CELF4: variants seen among roughly 807,000 people sequenced by gnomAD.
The protein encoded by CELF4 is CUG-BP- and ETR-3-like factor 4.
In CELF4, 18 loss-of-function variants were observed where a neutral mutation model predicts 59.9. The observed-to-expected ratio is 0.30, with a 90% CI of 0.21 to 0.45. The LOEUF (loss-of-function observed/expected upper bound fraction) is 0.45. CELF4 is among the 20% of genes least tolerant of loss of function. The pLI, the probability that CELF4 is intolerant of heterozygous loss-of-function variation, is 1.00. For missense variants in CELF4, 456 were observed against 689.0 expected (o/e 0.66, Z 3.79); for synonymous variants, 261 against 267.1 (o/e 0.98, Z 0.22).
At chr18:37,247,914 CT>C (rs2063091931) in intron 12 of CELF4, among the ~76,000 whole-genome samples, 1 of 152,214 alleles carries the variant, frequency 6.6e-6, no homozygotes, top group African/African-American at 2.4e-5. Flanking sequence ...TCCCTCCCTC[CT>C]CAGCTTTCTG....
At chr18:37,346,505 T>C (rs941632875) in intron 2 of CELF4, among the ~76,000 whole-genome samples, 3 of 152,128 alleles carry the variant, frequency 2.0e-5, no homozygotes, top group African/African-American at 7.2e-5. Context: ...ATACCAGATA[T>C]GGATGGACCA....
rs1168555977 is a variant in CELF4 at position 37,253,156 on chromosome 18, C to T, written c.*44+611G>A. 6.6e-6 allele frequency among the ~76,000 whole-genome samples: 1 copy of T among 152,200 alleles called. No individual in the cohort carries two copies. Among genetic ancestry groups the T allele is most frequent in the Non-Finnish European group, 1.5e-5 (1 of 68,022 alleles). ...ACCACTCATCATGACCCGTGTGGGG[C>T]AGGCAGGGCCCGGGATCTCAGTGCT... On this transcript the variant is annotated intron_variant, in intron 12 of 12. Transcript: ENST00000420428. The surrounding 1 kb of genome is among the most constrained non-coding windows in gnomAD (Gnocchi z 4.5).
rs1316742999 is a variant in CELF4 at position 37,254,162 on chromosome 18, C to T, written c.1334-224G>A. On this transcript the variant is annotated intron_variant, in intron 11 of 12. Coordinates refer to ENST00000420428, the MANE Select transcript of CELF4 (RefSeq NM_020180.4). This position sits in a 1 kb window ranked among gnomAD's most constrained non-coding sequence, Gnocchi z 5.1. ...GGGGACCCGGCTCGCTGACCTGCGCCTAGTCTCTGGCCGCGTCACTCGCCC... is the reference window on the plus strand; with the variant it reads ...GGGGACCCGGCTCGCTGACCTGCGCTTAGTCTCTGGCCGCGTCACTCGCCC... Among the ~76,000 whole-genome samples the T allele has an allele frequency of 6.6e-6, 1 of 150,876 alleles. No homozygotes were observed. The highest frequency in any genetic ancestry group is 1.5e-5 in the Non-Finnish European group (1 of 67,568).
chr18:37,318,226 C>G (rs1314152605), intron 3 of CELF4, among the ~76,000 whole-genome samples: 1 of 151,992 alleles, frequency 6.6e-6, no homozygotes, highest in Non-Finnish European at 1.5e-5. Flanking sequence ...CTGCTCCCCT[C>G]GCACCACTGT....
At chr18:37,397,439 G>A (rs1370454522) in intron 2 of CELF4, among the ~76,000 whole-genome samples, 2 of 152,168 alleles carry the variant, frequency 1.3e-5, no homozygotes, top group African/African-American at 4.8e-5. Flanking sequence ...CATCTGGGTT[G>A]CCCTGGGTAC....
intron 1 of CELF4, among the ~76,000 whole-genome samples, chr18:37,513,287 T>C (rs1333882629): frequency 1.3e-5 from 2 of 152,180 alleles, no homozygotes; most frequent in African/African-American, 2.4e-5. Context: ...TAATGGTCCA[T>C]CCCTACTCTG....
At chr18:37,447,495 G>A (rs886250832) in intron 2 of CELF4, among the ~76,000 whole-genome samples, 3 of 152,164 alleles carry the variant, frequency 2.0e-5, no homozygotes, top group Non-Finnish European at 2.9e-5. Context: ...CCATTGACCC[G>A]AACTGGGCCT....
chr18:37,313,626 C>G (rs1247121331), intron 3 of CELF4, among the ~76,000 whole-genome samples: 5 of 152,338 alleles, frequency 3.3e-5, no homozygotes, highest in Admixed American at 3.3e-4. Context: ...CTGGACGCTG[C>G]CCCCACCCAG....
At chr18:37,328,898 C>T (rs533914664) in intron 2 of CELF4, among the ~76,000 whole-genome samples, 1 of 152,328 alleles carries the variant, frequency 6.6e-6, no homozygotes, top group Non-Finnish European at 1.5e-5. Flanking sequence ...CCCCTTGTTC[C>T]AAGCGCCAAA....
At chr18:37,264,380 G>A (rs1423618255) in intron 10 of CELF4, among the ~76,000 whole-genome samples, 7 of 152,262 alleles carry the variant, frequency 4.6e-5, no homozygotes, top group African/African-American at 1.7e-4. Context: ...ATTGAGGGGA[G>A]TAGGAAAGGT....
intron 1 of CELF4, among the ~76,000 whole-genome samples, chr18:37,543,331 C>T (rs763608882): frequency 4.6e-5 from 7 of 152,178 alleles, no homozygotes. Context: ...AAACCCAGGC[C>T]GTACCCTGAC....
At chr18:37,404,255 G>A (rs957148290) in intron 2 of CELF4, among the ~76,000 whole-genome samples, 6 of 152,206 alleles carry the variant, frequency 3.9e-5, no homozygotes, top group African/African-American at 1.4e-4. Flanking sequence ...CTCAGCTCAT[G>A]CCCGGTTCTT....
chr18:37,348,608 G>A (rs1035282333), intron 2 of CELF4, among the ~76,000 whole-genome samples: 34 of 151,380 alleles, frequency 2.2e-4, no homozygotes, highest in African/African-American at 8.1e-4. Context: ...GCAGTGAGGT[G>A]GGGTGGGACG....
intron 2 of CELF4, among the ~76,000 whole-genome samples, chr18:37,385,117 C>G (rs563574901): frequency 1.3e-5 from 2 of 151,986 alleles, no homozygotes; most frequent in Non-Finnish European, 2.9e-5. Context: ...GAGGCTGAGG[C>G]GGGTGGATCA....
At chr18:37,452,131 T>C (rs1746277732) in intron 2 of CELF4, among the ~76,000 whole-genome samples, 1 of 152,182 alleles carries the variant, frequency 6.6e-6, no homozygotes, top group South Asian at 2.1e-4. Context: ...CTGGTACTCA[T>C]CTCTGCCAGC....
chr18:37,375,341 C>T (rs940648404), intron 2 of CELF4, among the ~76,000 whole-genome samples: 2 of 152,124 alleles, frequency 1.3e-5, no homozygotes, highest in African/African-American at 2.4e-5. Flanking sequence ...GCGATGACGC[C>T]GGCTGGACGG....
chr18:37,419,419 T>A (rs535961965), intron 2 of CELF4, among the ~76,000 whole-genome samples: 1 of 152,062 alleles, frequency 6.6e-6, no homozygotes, highest in South Asian at 2.1e-4. Context: ...GGGGCCAGAG[T>A]TGAGGTATGC....
chr18:37,516,403 C>A (rs77236313), intron 1 of CELF4, among the ~76,000 whole-genome samples: 1,646 of 152,300 alleles, frequency 0.011, 20 homozygotes, highest in African/African-American at 0.037. Context: ...CTCACTAACT[C>A]TGCTGTCCCC....
intron 2 of CELF4, among the ~76,000 whole-genome samples, chr18:37,475,339 G>T (rs2099845786): frequency 6.6e-6 from 1 of 152,214 alleles, no homozygotes; most frequent in Admixed American, 6.5e-5. Context: ...AAAGGGTGGT[G>T]GCTGCTGTTT....
Sources: gnomAD v4.1 joint callset for allele counts (sites outside exome capture counted in the v4.1 genomes callset) on GRCh38, gnomAD v4.1.1 for gene constraint, Gnocchi (gnomAD v3.1) non-coding constraint, MANE v1.5 for transcripts, NCBI Gene and HGNC (gene_info 2026-07-23, HGNC 2026-07-21) for gene names.